The following DOCK7 variants were observed in gnomAD, a reference collection of about 807,000 sequenced individuals.
The protein encoded by DOCK7 is dedicator of cytokinesis protein 7.
A neutral mutation model predicts 271.0 loss-of-function variants in DOCK7; 138 were observed. The observed-to-expected ratio is 0.51, with a 90% CI of 0.44 to 0.59. The LOEUF (loss-of-function observed/expected upper bound fraction) is 0.59, where lower values mean the gene tolerates loss of function less well. DOCK7 is among the 20% of genes least tolerant of loss of function. The pLI, the probability that DOCK7 is intolerant of heterozygous loss-of-function variation, is 0.00. For synonymous variants in DOCK7, 823 were observed against 876.1 expected, an observed-to-expected ratio of 0.94 and a Z score of 1.07; for missense variants, 2,066 against 2,592.4, an observed-to-expected ratio of 0.80 and a Z score of 4.41.
intron 24 of DOCK7, among the ~76,000 whole-genome samples, chr1:62,542,911 A>G (rs983758111): frequency 6.6e-6 from 1 of 152,204 alleles, no homozygotes; most frequent in Non-Finnish European, 1.5e-5. Context: ...AAAAAATTAC[A>G]TGTTATCTTG....
chr1:62,625,114 T>C (rs1164496558), intron 12 of DOCK7, 145 bp downstream of exon 12: 2 of 594,446 alleles, frequency 3.4e-6, no homozygotes, highest in East Asian at 5.9e-5. Context: ...ATTCTTATAG[T>C]TGCTTTTATT....
chr1:62,639,111 T>A (rs1490319381), intron 7 of DOCK7, among the ~76,000 whole-genome samples: 1 of 152,120 alleles, frequency 6.6e-6, no homozygotes, highest in Non-Finnish European at 1.5e-5. Flanking sequence ...TACTATACCA[T>A]CTTAATTACA....
chr1:62,563,568 T>C (rs537733105), intron 18 of DOCK7, among the ~76,000 whole-genome samples: 2 of 152,292 alleles, frequency 1.3e-5, no homozygotes, highest in African/African-American at 4.8e-5. Context: ...ATTTCTTTCC[T>C]ATGGTTTTAT....
At chr1:62,629,330 A>C (rs1369050357) in intron 11 of DOCK7, 1 of 152,232 alleles carries the variant, frequency 6.6e-6, no homozygotes, top group Non-Finnish European at 1.5e-5. Context: ...TAATAAACTA[A>C]AAGTAGAAAA....
At chr1:62,523,053 CA>C (rs1644898551) in intron 31 of DOCK7, among the ~76,000 whole-genome samples, 1 of 152,068 alleles carries the variant, frequency 6.6e-6, no homozygotes, top group Non-Finnish European at 1.5e-5. Flanking sequence ...ACACTAAAGG[CA>C]GCCTAAACAA....
At chr1:62,459,195 T>TA (rs545975321) in intron 48 of DOCK7, 1 of 148,886 alleles carries the variant, frequency 6.7e-6, no homozygotes, top group Non-Finnish European at 1.5e-5. Context: ...AAATGGAACA[T>TA]AAAGTTAAAT....
intron 29 of DOCK7, among the ~76,000 whole-genome samples, chr1:62,533,260 A>G (rs925595613): frequency 6.6e-6 from 1 of 152,154 alleles, no homozygotes; most frequent in African/African-American, 2.4e-5. Context: ...CCTTTAATAA[A>G]GCCAGCTGGA....
At chr1:62,491,795 CTGTTT>C (rs1394533332) in intron 41 of DOCK7, among the ~76,000 whole-genome samples, 1 of 152,248 alleles carries the variant, frequency 6.6e-6, no homozygotes, top group African/African-American at 2.4e-5. Flanking sequence ...CAGAGACTTT[CTGTTT>C]TGTTTTGCTA....
chr1:62,653,596 T>C, intron 4 of DOCK7, 129 bp downstream of exon 4: 1 of 639,438 alleles, frequency 1.6e-6, no homozygotes, highest in South Asian at 1.9e-5. Context: ...ACACAAAAGT[T>C]CTTCTTTTGT....
At chr1:62,611,730 GA>G (rs1279416249) in intron 14 of DOCK7, among the ~76,000 whole-genome samples, 1 of 150,666 alleles carries the variant, frequency 6.6e-6, no homozygotes, top group East Asian at 1.9e-4. Flanking sequence ...AATATTTTAG[GA>G]AAAAAAATTT....
At chr1:62,583,848 A>G (rs185454200) in intron 15 of DOCK7, among the ~76,000 whole-genome samples, 89 of 152,280 alleles carry the variant, frequency 5.8e-4, no homozygotes, top group African/African-American at 2.0e-3. Context: ...TACTTTTGGA[A>G]TAAGTTTATA....
intron 14 of DOCK7, chr1:62,602,359 T>C: frequency 6.2e-7 from 1 of 1,610,864 alleles, no homozygotes. Flanking sequence ...GAACTACAAA[T>C]ATGGTTTTGG....
rs1231934423 is a variant in DOCK7, at chr1:62,537,929, C to A, written c.3433G>T (p.Ala1145Ser). The A allele has an allele frequency of 1.9e-6, 3 of 1,613,632 alleles. No individual in the cohort carries two copies. In the African/African-American group the frequency reaches 4.0e-5, roughly 22 times the overall value. The part of the protein sequence containing the change: ...NLPCSLLTPP[A>S]SPSPSVSSAT... ...GAAGAAACAGAAGGTGATGGAGATG[C>A]AGGTGGAGTAAGTAAGCTGCAGGGT... The change falls in exon 28 of 50, where the codon GCA (alanine) becomes TCA (serine). Residue 1145 changes from alanine (A) to serine (S), a missense_variant. Physicochemically the swap from Ala to Ser is moderately conservative, Grantham distance 99. This residue lies in a region of DOCK7 where 1,414 missense variants were observed against 1,670.4 expected (regional missense o/e 0.85). Transcript: ENST00000635253.
chr1:62,640,062 A>AT (rs951398937), intron 7 of DOCK7, among the ~76,000 whole-genome samples: 4 of 152,136 alleles, frequency 2.6e-5, no homozygotes, highest in Non-Finnish European at 5.9e-5. Context: ...CAAAACAGGT[A>AT]TTTTTTATTC....
chr1:62,584,558 T>C, intron 15 of DOCK7: 2 of 1,178,778 alleles, frequency 1.7e-6, no homozygotes, highest in Admixed American at 4.3e-5. Context: ...AGCTATCACT[T>C]TTCACAAAAT....
At chr1:62,487,895 C>A (rs1646343838) in intron 42 of DOCK7, 1 of 152,742 alleles carries the variant, frequency 6.5e-6, no homozygotes, top group Non-Finnish European at 1.5e-5. Flanking sequence ...ATATATACAA[C>A]TGATTATTAA....
chr1:62,529,077 G>A (rs553395636), intron 30 of DOCK7, among the ~76,000 whole-genome samples, 200 bp downstream of exon 30: 1 of 152,148 alleles, frequency 6.6e-6, no homozygotes, highest in African/African-American at 2.4e-5. Context: ...TTCATCATAA[G>A]AACTACTTAA....
At chr1:62,637,774 A>C (rs1159798330) in intron 7 of DOCK7, among the ~76,000 whole-genome samples, 2 of 152,206 alleles carry the variant, frequency 1.3e-5, no homozygotes, top group African/African-American at 4.8e-5. Context: ...AGTCATTACC[A>C]ACCATAGACC....
chr1:62,630,041 G>A (rs368961244), intron 11 of DOCK7, among the ~76,000 whole-genome samples: 1 of 152,184 alleles, frequency 6.6e-6, no homozygotes, highest in Non-Finnish European at 1.5e-5. Context: ...AAATGCACCC[G>A]ACAGCAGTAA....
Sources: allele counts gnomAD v4.1 joint callset (sites outside exome capture counted in the v4.1 genomes callset), GRCh38; gene constraint gnomAD v4.1.1; regional missense constraint gnomAD v4.1.1; transcripts MANE v1.5; gene names NCBI Gene and HGNC (gene_info 2026-07-23, HGNC 2026-07-21).